Variants in PTPRB observed in about 807,000 individuals in gnomAD.
The protein encoded by PTPRB is protein tyrosine phosphatase receptor type B.
PTPRB carries 97 observed loss-of-function variants against 238.1 expected under a neutral mutation model. The observed-to-expected ratio is 0.41, with a 90% CI of 0.35 to 0.48. The LOEUF (loss-of-function observed/expected upper bound fraction) is 0.48. Ranked by LOEUF, PTPRB falls within the 20% of genes least tolerant of loss-of-function variation. The probability of loss-of-function intolerance (pLI) is 0.30; values close to 1 mark genes in which losing one functional copy is unlikely to be tolerated. For synonymous variants in PTPRB, 970 were observed against 995.4 expected, an observed-to-expected ratio of 0.97 and a Z score of 0.48; for missense variants, 2,292 against 2,681.9, an observed-to-expected ratio of 0.85 and a Z score of 3.21.
chr12:70,559,204 A>C, intron 18 of PTPRB, 139 bp downstream of exon 18: 1 of 924,572 alleles, frequency 1.1e-6, no homozygotes, highest in Non-Finnish European at 1.7e-6. Context: ...ACAAATCTAC[A>C]GAGACTTCTG....
chr12:70,598,813 A>G (rs958405198), intron 4 of PTPRB, among the ~76,000 whole-genome samples: 1 of 152,226 alleles, frequency 6.6e-6, no homozygotes, highest in African/African-American at 2.4e-5. Context: ...ATCCAAACAT[A>G]TATAATCCAC....
rs111605644 is a variant in PTPRB, at chr12:70,582,213, C to G, written c.2312-911G>C. On this transcript the variant is annotated intron_variant, in intron 9 of 33. Transcript: ENST00000334414. ...ATTACAATAATCAAAGGGACTGGAA[C>G]CTTGGCACCCCTCTTTCTCAAAGTT... 9.5e-3 allele frequency among the ~76,000 whole-genome samples: 1,442 copies of G among 152,108 alleles called. 24 individuals carry two copies. The highest frequency in any genetic ancestry group is 0.033 in the African/African-American group (1,358 of 41,494).
Position 70,516,906 on chromosome 12 carries a change from A to G in PTPRB, c.*4583T>C, listed in dbSNP as rs984498492. 1.3e-5 allele frequency: 2 copies of G among 152,234 alleles called. No individual in the cohort carries two copies. Among genetic ancestry groups the G allele is most frequent in the Non-Finnish European group, 2.9e-5 (2 of 68,046 alleles). 9.4% of individuals were successfully genotyped at this position (152,234 alleles called of 1,614,324 possible). A position where few individuals can be genotyped will look rare whatever the true frequency, so the allele number is the denominator to read the frequency against. Reference sequence around the variant, plus strand: ...TTAATAAGTGTATCTTATATAGACAATCTTTTAAAAAATAAAATGCCTTAT... The same window carrying G: ...TTAATAAGTGTATCTTATATAGACAGTCTTTTAAAAAATAAAATGCCTTAT... On this transcript the variant is annotated 3_prime_UTR_variant, in exon 34 of 34. Transcript: ENST00000334414.
rs773931660 is a variant in PTPRB at position 70,559,253 on chromosome 12, G to A, written c.4714+90C>T. 16 of 1,355,862 alleles carry A rather than the reference G, an allele frequency of 1.2e-5. No homozygotes were observed. In the African/African-American group the frequency reaches 2.3e-4, roughly 19 times the overall value. 84.0% of individuals were successfully genotyped at this position (1,355,862 alleles called of 1,614,324 possible). ...CCAGACCAATCCCATGTAAAAATAT[G>A]GATTTAATCCAAGCCCTATTTGAGT... On this transcript the variant is annotated intron_variant, in intron 18 of 33. Coordinates refer to ENST00000334414, the MANE Select transcript of PTPRB (RefSeq NM_001109754.4).
At chr12:70,619,312 T>TGATAATGACGAC (rs1555239528) in intron 3 of PTPRB, among the ~76,000 whole-genome samples, 21 of 150,080 alleles carry the variant, frequency 1.4e-4, no homozygotes, top group Non-Finnish European at 2.1e-4. Flanking sequence ...ATGATGATGA[T>TGATAATGACGAC]GATAATGATA....
At chr12:70,522,724 T>A (rs1478757410) in intron 33 of PTPRB, 1 of 151,984 alleles carries the variant, frequency 6.6e-6, no homozygotes, top group Non-Finnish European at 1.5e-5. Flanking sequence ...GAAGGAAAAA[T>A]AATAATTTTT....
intron 18 of PTPRB, 87 bp from the exon 19 acceptor site, chr12:70,556,235 T>C (rs922028159): frequency 4.1e-6 from 5 of 1,228,954 alleles, no homozygotes; most frequent in Non-Finnish European, 2.3e-6. Context: ...AGCTCTGAGA[T>C]CTAGGTATAG....
At chr12:70,591,896 A>G (rs911374812) in intron 7 of PTPRB, 6 of 199,674 alleles carry the variant, frequency 3.0e-5, no homozygotes, top group South Asian at 1.9e-4. Flanking sequence ...AGTAATTTAC[A>G]TATATAAGGC....
chr12:70,609,895 G>A lies in PTPRB; in HGVS notation c.709-556C>T, dbSNP rs74521455. 4.6e-5 allele frequency: 62 copies of A among 1,345,260 alleles called. 1 individual carries two copies. The East Asian group carries it at 1.7e-3, about 37-fold the overall frequency. The allele number at this position is 1,345,260 out of a possible 1,614,324, so 83.3% of individuals were successfully genotyped here. ...CGAGGGCCGGGGCAGGGGGTCACCT[G>A]TTGCGCGCGCTCAGCGCGCCCCGTG... is the stretch of plus-strand genomic sequence containing the variant. On this transcript the variant is annotated intron_variant, in intron 3 of 33. Transcript: ENST00000334414.
chr12:70,611,638 C>A (rs538198526), intron 3 of PTPRB, among the ~76,000 whole-genome samples: 1 of 152,246 alleles, frequency 6.6e-6, no homozygotes, highest in East Asian at 1.9e-4. Context: ...TTAAAAATAC[C>A]TCTTAATGAA....
intron 4 of PTPRB, among the ~76,000 whole-genome samples, chr12:70,601,771 A>ATTTCTTTTT (rs748560401): frequency 4.7e-5 from 7 of 149,864 alleles, no homozygotes; most frequent in Non-Finnish European, 7.4e-5. Flanking sequence ...TAGAGAGGTA[A>ATTTCTTTTT]TTTCTTTTTT....
intron 2 of PTPRB, among the ~76,000 whole-genome samples, chr12:70,634,700 A>G (rs1208198312): frequency 6.6e-6 from 1 of 152,224 alleles, no homozygotes; most frequent in Non-Finnish European, 1.5e-5. Flanking sequence ...TAAAATGTAC[A>G]CTGAACAAAG....
intron 3 of PTPRB, among the ~76,000 whole-genome samples, chr12:70,620,250 G>A (rs1411015344): frequency 6.6e-6 from 1 of 152,184 alleles, no homozygotes; most frequent in Non-Finnish European, 1.5e-5. Flanking sequence ...GCCAGGTCTG[G>A]GGCTGGATCA....
intron 33 of PTPRB, among the ~76,000 whole-genome samples, chr12:70,523,845 C>T (rs954529688): frequency 1.1e-4 from 17 of 152,122 alleles, no homozygotes; most frequent in South Asian, 1.0e-3. Flanking sequence ...GACAGAGTCT[C>T]GCTCTTGTTG....
chr12:70,563,245 A>T, intron 15 of PTPRB, 138 bp from the exon 16 acceptor site: 4 of 948,264 alleles, frequency 4.2e-6, no homozygotes, highest in Non-Finnish European at 6.2e-6. Context: ...AGGAAAAGCC[A>T]AAAGCACTTT....
At position 70,637,416 on chromosome 12, in the gene PTPRB, A is replaced by C. The variant is rs772630471; in HGVS notation, c.-21T>G. ...TCCATTTTCCACTTAGCAACTGTTC[A>C]TGCTTCGCTTGGGGAAAAAAAAAAT... On this transcript the variant is annotated 5_prime_UTR_variant, in exon 1 of 34. An upstream start codon of the reference 5' UTR is lost. Coordinates refer to ENST00000334414, the MANE Select transcript of PTPRB (RefSeq NM_001109754.4). The C allele has an allele frequency of 1.9e-6, 3 of 1,601,098 alleles. No homozygotes were observed. Among genetic ancestry groups the C allele is most frequent in the Non-Finnish European group, 1.7e-6 (2 of 1,173,440 alleles).
chr12:70,593,513 C>CAAAA (rs71437149), intron 6 of PTPRB, among the ~76,000 whole-genome samples: 11 of 36,708 alleles, frequency 3.0e-4, no homozygotes, highest in Admixed American at 3.8e-4. Flanking sequence ...AACTCTGTCT[C>CAAAA]AAAAAAAAAA....
Position 70,581,189 on chromosome 12 carries a change from G to C in PTPRB, c.2425C>G (p.His809Asp), listed in dbSNP as rs755472229. ...TCATTTTTAATGACCACATTTTCAT[G>C]GATCAGTAAGACTTGGTAAAATTCT... is the stretch of plus-strand genomic sequence containing the variant. ...DVEFYQVLLI[H>D]ENVVIKNESI... Residue 809 changes from histidine (H) to aspartate (D), a missense_variant, in exon 10 of 34, where the codon CAT becomes GAT. By Grantham distance (81) the His-to-Asp change is moderately conservative. Coordinates refer to ENST00000334414, the MANE Select transcript of PTPRB (RefSeq NM_001109754.4). 11 of 1,613,968 alleles carry C rather than the reference G, an allele frequency of 6.8e-6. No homozygotes were observed. Among genetic ancestry groups the C allele is most frequent in the East Asian group, 6.7e-5 (3 of 44,882 alleles).
At chr12:70,566,162 A>T (rs991832) in intron 15 of PTPRB, among the ~76,000 whole-genome samples, 32,785 of 152,154 alleles carry the variant, frequency 0.22, 4,264 homozygotes, top group African/African-American at 0.36. Context: ...TTTGGGTGGT[A>T]TTAAGCCACT....
Sources: allele counts gnomAD v4.1 joint callset (sites outside exome capture counted in the v4.1 genomes callset), GRCh38; gene constraint gnomAD v4.1.1; transcripts MANE v1.5; gene names NCBI Gene and HGNC (gene_info 2026-07-23, HGNC 2026-07-21).